Variants in HEY1 observed in about 807,000 individuals in gnomAD.
HEY1 encodes the protein hairy/enhancer-of-split related with YRPW motif protein 1.
Under a neutral mutation model 28.7 loss-of-function variants are expected in HEY1, and 9 were observed. The observed-to-expected ratio is 0.31, with a 90% CI of 0.19 to 0.55. The LOEUF (loss-of-function observed/expected upper bound fraction) is 0.55. Among genes scored for constraint, HEY1 ranks in the 20% least tolerant of loss-of-function variants. HEY1 has a pLI of 0.93. For synonymous variants in HEY1, 213 were observed against 175.6 expected (o/e 1.21, Z -1.68); for missense variants, 385 against 399.4 (o/e 0.96, Z 0.31).
Position 79,765,149 on chromosome 8 carries a change from G to A in HEY1, c.*39C>T. 1 of 1,420,826 alleles carries A rather than the reference G, an allele frequency of 7.0e-7. No individual in the cohort carries two copies. The highest frequency in any genetic ancestry group is 9.5e-7 in the Non-Finnish European group (1 of 1,050,646). 88.0% of individuals were successfully genotyped at this position (1,420,826 alleles called of 1,614,324 possible). On this transcript the variant is annotated 3_prime_UTR_variant, in exon 5 of 5. Transcript: ENST00000354724. ...GTTGGCAACAGTCCAGCCCAGCTGG[G>A]ATTTTAAACTTTCCCCTCCCTCATT...
rs187014780 is a variant in HEY1, at chr8:79,767,313, C to T, written c.90-19G>A. The T allele has an allele frequency of 3.1e-6, 5 of 1,601,348 alleles. No homozygotes were observed. In the African/African-American group the frequency reaches 4.0e-5, roughly 13 times the overall value. ...CAAGTTTCTGAAAAGAGAAAAAGAA[C>T]AAACAAAAACTGAAATCGCCGTTAA... On this transcript the variant is annotated intron_variant, in intron 1 of 4. Transcript: ENST00000354724.
In HEY1 at chr8:79,767,045, C is replaced by T. The variant is rs544475862; in HGVS notation, c.213G>A (p.Glu71=). The T allele has an allele frequency of 7.4e-6, 12 of 1,614,146 alleles. No homozygotes were observed. The African/African-American group carries it at 1.1e-4, about 14-fold the overall frequency. ...RRDRINNSLS[E]LRRLVPSAFE... is the part of the protein sequence containing the mutation. ...AAGCACTGGGTACCAGCCTTCTCAG[C>T]TCAGACAAACTGTTATTGATCCGGT... The change falls in exon 3 of 5, where the codon GAG becomes GAA. Residue 71 remains glutamate (E), a synonymous_variant. Coordinates refer to ENST00000354724, the MANE Select transcript of HEY1 (RefSeq NM_012258.4).
At position 79,765,413 on chromosome 8, in the gene HEY1, T is replaced by C. The variant is rs778481887; in HGVS notation, c.690A>G (p.Arg230=). Residue 230 remains arginine (R), a synonymous_variant, in exon 5 of 5, where the codon CGA becomes CGG. Coordinates refer to ENST00000354724, the MANE Select transcript of HEY1 (RefSeq NM_012258.4). The part of the protein sequence containing the change: ...GSAHPEAPAL[R]APPSGSLGPV... ...GTCCGAGGCTGCCGCTAGGGGGCGC[T>C]CGCAAAGCAGGCGCCTCCGGATGTG... 3 of 1,610,262 alleles carry C rather than the reference T, an allele frequency of 1.9e-6. No individual in the cohort carries two copies. The highest frequency in any genetic ancestry group is 1.1e-5 in the South Asian group (1 of 90,584).
At chr8:79,767,459 G>C (rs1450804017) in intron 1 of HEY1, 116 bp downstream of exon 1, 2 of 1,162,352 alleles carry the variant, frequency 1.7e-6, no homozygotes, top group Non-Finnish European at 2.4e-6. Context: ...AGCCTGCGAC[G>C]CGCGGAGGTC....
At chr8:79,765,834 C>T in intron 4 of HEY1, 63 bp from the exon 5 acceptor site, 1 of 1,402,132 alleles carries the variant, frequency 7.1e-7, no homozygotes, top group Non-Finnish European at 9.7e-7. Flanking sequence ...TCTTAAGTCC[C>T]AGAGACAGCC....
intron 1 of HEY1, 98 bp downstream of exon 1, chr8:79,767,477 G>A: frequency 7.8e-7 from 1 of 1,280,082 alleles, no homozygotes; most frequent in Non-Finnish European, 1.1e-6. Context: ...GTCAGCGCAG[G>A]GCACCGGCGC....
intron 1 of HEY1, 70 bp from the exon 2 acceptor site, chr8:79,767,364 G>A (rs1807871797): frequency 1.5e-6 from 2 of 1,367,748 alleles, no homozygotes; most frequent in African/African-American, 1.4e-5. Flanking sequence ...CTGAGAGGTC[G>A]CCCCCACACC....
intron 3 of HEY1, 128 bp downstream of exon 3, chr8:79,766,881 G>A: frequency 2.5e-6 from 3 of 1,179,832 alleles, no homozygotes; most frequent in African/African-American, 1.5e-5. Flanking sequence ...AAATACGCTG[G>A]TATCTGTGTA....
At chr8:79,766,938 G>T in intron 3 of HEY1, 71 bp downstream of exon 3, 1 of 1,358,682 alleles carries the variant, frequency 7.4e-7, no homozygotes, top group Non-Finnish European at 1.0e-6. Flanking sequence ...CAAGGCGGAT[G>T]AGATTAATGA....
chr8:79,766,588 C>A (rs1034764222), intron 4 of HEY1, 63 bp downstream of exon 4: 1 of 1,607,834 alleles, frequency 6.2e-7, no homozygotes, highest in South Asian at 1.1e-5. Flanking sequence ...CCAATCCTGG[C>A]CTTCAGCCGC....
Position 79,767,081 on chromosome 8 carries a change from C to G in HEY1, c.177G>C (p.Lys59Asn). The change falls in exon 3 of 5, where the codon AAG becomes AAC. Residue 59 changes from lysine (K) to asparagine (N), a missense_variant. Around this residue, in one of 3 missense-constraint regions of HEY1, gnomAD observed 83 missense variants for 122.7 expected, o/e 0.68. Coordinates refer to ENST00000354724, the MANE Select transcript of HEY1 (RefSeq NM_012258.4). The part of the protein sequence containing the change: ...ARKRRRGIIE[K>N]RRRDRINNSL... The stretch of plus-strand genomic sequence containing the variant: ...TGTTATTGATCCGGTCTCGTCGGCG[C>G]TTCTCAATTATCTGCAGAAGGCAAG... The G allele has an allele frequency of 6.2e-7, 1 of 1,613,968 alleles. No individual in the cohort carries two copies. The highest frequency in any genetic ancestry group is 8.5e-7 in the Non-Finnish European group (1 of 1,179,922).
chr8:79,765,649 CT>C lies in HEY1; in HGVS notation c.453del (p.Val152PhefsTer128). On this transcript the variant is annotated frameshift_variant, in exon 5 of 5. Coordinates refer to ENST00000354724, the MANE Select transcript of HEY1 (RefSeq NM_012258.4). LOFTEE classifies it high-confidence loss of function. ...TTGTTGAGATGCGAAACCAGTCGAACTCGAAGCGGGTCAGAGGCATCTAGTC... is the reference window on the plus strand; with the variant it reads ...TTGTTGAGATGCGAAACCAGTCGAACCGAAGCGGGTCAGAGGCATCTAGTC... ...IEGLDASDPLRVRLVSHLNNY... is the reference protein window; with the variant it reads ...IEGLDASDPLXVRLVSHLNNY... 1.2e-6 allele frequency: 2 copies of C among 1,614,246 alleles called. No individual in the cohort carries two copies. The highest frequency in any genetic ancestry group is 1.7e-6 in the Non-Finnish European group (2 of 1,180,046).
intron 4 of HEY1, 115 bp downstream of exon 4, chr8:79,766,536 G>T: frequency 6.5e-7 from 1 of 1,547,622 alleles, no homozygotes; most frequent in Admixed American, 1.9e-5. Context: ...ACCACACACC[G>T]TTCTCTCCCC....
At position 79,764,610 on chromosome 8, in the gene HEY1, T is replaced by G. The variant is rs1190441594; in HGVS notation, c.*578A>C. 8.9e-6 allele frequency: 2 copies of G among 224,744 alleles called. No homozygotes were observed. 13.9% of individuals were successfully genotyped at this position (224,744 alleles called of 1,614,324 possible). ...ATAGGAGGCAGACAATTTACTAGTC[T>G]TCTTTCTTGGATAAAGCTGATCATC... On this transcript the variant is annotated 3_prime_UTR_variant, in exon 5 of 5. Transcript: ENST00000354724.
chr8:79,765,222 T>C lies in HEY1; in HGVS notation c.881A>G (p.Tyr294Cys), dbSNP rs368116797. 164 of 1,552,734 alleles carry C rather than the reference T, an allele frequency of 1.1e-4. No individual in the cohort carries two copies. In the Middle Eastern group the frequency reaches 1.2e-3, roughly 11 times the overall value. Reference protein sequence around the residue: ...PTQAANLGKPYRPWGTEIGAF With the variant: ...PTQAANLGKPCRPWGTEIGAF ...TCCGATCTCCGTCCCCCAAGGTCTA[T>C]AGGGCTTGCCAAGGTTTGCAGCCTG... The change falls in exon 5 of 5, where the codon TAT becomes TGT. Residue 294 changes from tyrosine (Y) to cysteine (C), a missense_variant. Transcript: ENST00000354724.
chr8:79,766,585 T>C lies in HEY1; in HGVS notation c.331+66A>G, dbSNP rs548692780. On this transcript the variant is annotated intron_variant, in intron 4 of 4. Transcript: ENST00000354724. ...AATCAGGCAGCTACTGCACCAATCC[T>C]GGCCTTCAGCCGCTGCTCACTCTTT... 3 of 1,607,730 alleles carry C rather than the reference T, an allele frequency of 1.9e-6. No homozygotes were observed. The South Asian group carries it at 3.3e-5, about 18-fold the overall frequency.
chr8:79,766,775 T>C, intron 3 of HEY1, 43 bp from the exon 4 acceptor site: 1 of 1,585,892 alleles, frequency 6.3e-7, no homozygotes, highest in Non-Finnish European at 8.7e-7. Flanking sequence ...CACAAGTTCC[T>C]TTGGGGAACA....
In HEY1 at chr8:79,766,664, C is replaced by T. The variant is rs375372645; in HGVS notation, c.318G>A (p.Thr106=). The part of the protein sequence containing the change: ...MTVDHLKMLH[T]AGGKGYFDAH... The stretch of plus-strand genomic sequence containing the variant: ...TAGGAGATGTACCTTTCCCTCCTGC[C>T]GTATGCAGCATTTTCAGGTGATCCA... Residue 106 remains threonine, a synonymous_variant, in exon 4 of 5, where the codon ACG becomes ACA. Transcript: ENST00000354724. The T allele has an allele frequency of 1.2e-5, 20 of 1,614,090 alleles. No homozygotes were observed. In the African/African-American group the frequency reaches 2.5e-4, roughly 20 times the overall value.
chr8:79,766,597 G>A lies in HEY1; in HGVS notation c.331+54C>T, dbSNP rs1807845522. The A allele has an allele frequency of 1.4e-5, 22 of 1,609,052 alleles. No individual in the cohort carries two copies. The South Asian group carries it at 2.0e-4, about 15-fold the overall frequency. ...ACTGCACCAATCCTGGCCTTCAGCC[G>A]CTGCTCACTCTTTGCCAACCATTCA... On this transcript the variant is annotated intron_variant, in intron 4 of 4. Transcript: ENST00000354724.
Sources: allele counts gnomAD v4.1 joint callset, GRCh38; gene constraint gnomAD v4.1.1; regional missense constraint gnomAD v4.1.1; transcripts MANE v1.5; gene names NCBI Gene and HGNC (gene_info 2026-07-23, HGNC 2026-07-21).